PTPRC: variants seen among roughly 807,000 people sequenced by gnomAD.
The protein encoded by PTPRC is receptor-type tyrosine-protein phosphatase C.
Under a neutral mutation model 155.9 loss-of-function variants are expected in PTPRC, and 44 were observed. The observed-to-expected ratio is 0.28, with a 90% CI of 0.22 to 0.36. The LOEUF (loss-of-function observed/expected upper bound fraction) is 0.36. Among genes scored for constraint, PTPRC ranks in the 10% least tolerant of loss-of-function variants. The pLI is 1.00. For synonymous variants in PTPRC, 525 were observed against 533.1 expected, an observed-to-expected ratio of 0.98 and a Z score of 0.21; for missense variants, 1,401 against 1,564.6, an observed-to-expected ratio of 0.90 and a Z score of 1.76.
intron 2 of PTPRC, among the ~76,000 whole-genome samples, chr1:198,649,684 A>G (rs934538128): frequency 1.3e-5 from 2 of 151,830 alleles, no homozygotes; most frequent in African/African-American, 4.8e-5. Flanking sequence ...AATAATAGCA[A>G]GAGATATTAA....
chr1:198,745,642 CAGTT>C (rs958254907), intron 26 of PTPRC, among the ~76,000 whole-genome samples: 1 of 151,706 alleles, frequency 6.6e-6, no homozygotes, highest in African/African-American at 2.4e-5. Flanking sequence ...AGGAATTAGT[CAGTT>C]GGTTGTATTG....
At chr1:198,679,875 A>T in intron 2 of PTPRC, 1 of 622,902 alleles carries the variant, frequency 1.6e-6, no homozygotes, top group Non-Finnish European at 2.9e-6. Context: ...TTGACTCAAG[A>T]TCATCCCATG....
chr1:198,659,118 T>A (rs1330704534), intron 2 of PTPRC, among the ~76,000 whole-genome samples: 2 of 152,110 alleles, frequency 1.3e-5, no homozygotes, highest in Admixed American at 6.6e-5. Context: ...TAAGAGAATA[T>A]ACTTTTTTTA....
In PTPRC at chr1:198,662,949, C is replaced by T. The variant is rs75070102; in HGVS notation, c.73+23608C>T. On this transcript the variant is annotated intron_variant, in intron 2 of 32. Transcript: ENST00000442510. ...AGTTGATGTAACTGTGCCATGTGAC[C>T]ATTGTACACATGTGGGAGGGAGGAG... 8.9e-3 allele frequency among the ~76,000 whole-genome samples: 1,354 copies of T among 152,246 alleles called. 19 individuals carry two copies. The highest frequency in any genetic ancestry group is 0.031 in the African/African-American group (1,273 of 41,534).
chr1:198,750,363 A>G, intron 28 of PTPRC, 129 bp from the exon 29 acceptor site: 2 of 968,044 alleles, frequency 2.1e-6, no homozygotes, highest in Non-Finnish European at 3.3e-6. Flanking sequence ...TGTAAGAAAC[A>G]TAAGAATATT....
In PTPRC at chr1:198,718,240, T is replaced by A. The variant is rs892297670; in HGVS notation, c.1597T>A (p.Ser533Thr). The part of the protein sequence containing the change: ...EAGNTLVRNE[S>T]HKNCDFRVKD... ...TGGAAATACTCTGGTTAGAAATGAG[T>A]CGCATAAGAATTGCGATTTCCGTGT... Residue 533 changes from serine (S) to threonine (T), a missense_variant, in exon 14 of 33, where the codon TCG (serine) becomes ACG (threonine). Ser to Thr is a moderately conservative substitution (Grantham distance 58). This residue lies in a region of PTPRC where 867 missense variants were observed against 970.4 expected (regional missense o/e 0.89). Transcript: ENST00000442510. 1.2e-6 allele frequency: 2 copies of A among 1,613,932 alleles called. No individual in the cohort carries two copies. The highest frequency in any genetic ancestry group is 2.7e-5 in the African/African-American group (2 of 74,962).
intron 8 of PTPRC, among the ~76,000 whole-genome samples, chr1:198,706,300 G>A (rs1415595435): frequency 6.6e-6 from 1 of 152,042 alleles, no homozygotes; most frequent in Non-Finnish European, 1.5e-5. Context: ...AGAAACAGGT[G>A]GTTAATAACT....
At chr1:198,723,340 T>C (rs1222114585) in intron 15 of PTPRC, among the ~76,000 whole-genome samples, 9 of 152,100 alleles carry the variant, frequency 5.9e-5, no homozygotes, top group African/African-American at 1.4e-4. Context: ...CTCTTACATA[T>C]GTTACATATG....
intron 2 of PTPRC, among the ~76,000 whole-genome samples, chr1:198,659,404 A>T (rs1663806162): frequency 6.6e-6 from 1 of 152,086 alleles, no homozygotes; most frequent in Admixed American, 6.6e-5. Flanking sequence ...CCCAGGTGGG[A>T]TTTCTTGTGT....
At chr1:198,649,086 CT>C (rs922650146) in intron 2 of PTPRC, among the ~76,000 whole-genome samples, 1 of 151,824 alleles carries the variant, frequency 6.6e-6, no homozygotes, top group East Asian at 1.9e-4. Context: ...CCATCCTACA[CT>C]TTTTATTCCA....
At chr1:198,683,640 G>A (rs1326280) in intron 2 of PTPRC, among the ~76,000 whole-genome samples, 7,972 of 152,120 alleles carry the variant, frequency 0.052, 299 homozygotes, top group South Asian at 0.13. Context: ...AAATACCAGT[G>A]CACAGATCAC....
chr1:198,731,417 C>T (rs1411240884), intron 17 of PTPRC, among the ~76,000 whole-genome samples, 200 bp from the exon 18 acceptor site: 1 of 151,692 alleles, frequency 6.6e-6, no homozygotes, highest in African/African-American at 2.4e-5. Context: ...AATATAAAGC[C>T]CAGAAGAGAT....
At chr1:198,647,024 C>A (rs369776990) in intron 2 of PTPRC, among the ~76,000 whole-genome samples, 3 of 151,838 alleles carry the variant, frequency 2.0e-5, no homozygotes, top group African/African-American at 7.2e-5. Context: ...TTGTAACTTG[C>A]ATTTTTCTAA....
chr1:198,713,596 TA>T (rs534011863), intron 12 of PTPRC, among the ~76,000 whole-genome samples: 109 of 144,436 alleles, frequency 7.5e-4, no homozygotes, highest in African/African-American at 7.3e-4. Flanking sequence ...GTAATGCAAT[TA>T]AAAAAAAAAA....
chr1:198,735,126 G>T lies in PTPRC; in HGVS notation c.2278-1G>T, dbSNP rs1161564516. ...ATACTTAATAATTTTTTAAAATGTA[G>T]AACAAGTGTGCAGAATACTGGCCGT... On this transcript the variant is annotated splice_acceptor_variant, in intron 22 of 32. Transcript: ENST00000442510. LOFTEE classifies it high-confidence loss of function. 1 of 1,593,940 alleles carries T rather than the reference G, an allele frequency of 6.3e-7. No homozygotes were observed. The highest frequency in any genetic ancestry group is 8.6e-7 in the Non-Finnish European group (1 of 1,169,134).
intron 2 of PTPRC, among the ~76,000 whole-genome samples, chr1:198,683,660 C>G (rs1485765409): frequency 3.3e-5 from 5 of 152,076 alleles, no homozygotes; most frequent in Non-Finnish European, 7.4e-5. Flanking sequence ...CGTTACCCCA[C>G]AAACCTACTA....
In PTPRC at chr1:198,706,740, A is replaced by G. The variant is rs1553239146; in HGVS notation, c.692A>G (p.Lys231Arg). The G allele has an allele frequency of 6.2e-7, 1 of 1,608,716 alleles. No individual in the cohort carries two copies. Among genetic ancestry groups the G allele is most frequent in the East Asian group, 2.2e-5 (1 of 44,752 alleles). Residue 231 changes from lysine (K) to arginine (R), a missense_variant, in exon 9 of 33, where the codon AAA (lysine) becomes AGA (arginine). Physicochemically the swap from Lys to Arg is conservative, Grantham distance 26 (BLOSUM62 2). Around this residue, in one of 3 missense-constraint regions of PTPRC, gnomAD observed 867 missense variants for 970.4 expected, o/e 0.89. Transcript: ENST00000442510. ...ATGTTCTATTTTCTTTTAGATGAAAAATATGCAAACATCACTGTGGATTAC... is the reference window on the plus strand; with the variant it reads ...ATGTTCTATTTTCTTTTAGATGAAAGATATGCAAACATCACTGTGGATTAC... ...TTPSKPTCDE[K>R]YANITVDYLY...
chr1:198,700,013 G>A, intron 5 of PTPRC: 1 of 455,112 alleles, frequency 2.2e-6, no homozygotes, highest in Admixed American at 3.6e-5. Context: ...TTTGTTAGAA[G>A]TAAGAAATAA....
chr1:198,754,514 C>G, intron 32 of PTPRC, 110 bp downstream of exon 32: 1 of 1,310,654 alleles, frequency 7.6e-7, no homozygotes, highest in Non-Finnish European at 1.1e-6. Context: ...TCTTTTTTCC[C>G]CTTTCCTTTT....
Sources: allele counts gnomAD v4.1 joint callset (sites outside exome capture counted in the v4.1 genomes callset), GRCh38; gene constraint gnomAD v4.1.1; regional missense constraint gnomAD v4.1.1; transcripts MANE v1.5; gene names NCBI Gene and HGNC (gene_info 2026-07-23, HGNC 2026-07-21).